OR6N1: variants seen among roughly 807,000 people sequenced by gnomAD.
OR6N1 encodes the protein olfactory receptor family 6 subfamily N member 1, also known as olfactory receptor 6N1.
For synonymous variants in OR6N1, 170 were observed against 150.7 expected (o/e 1.13, Z -0.94); for missense variants, 394 against 371.7 (o/e 1.06, Z -0.49).
chr1:158,784,130 G>C, the OR6N1 span, among the ~76,000 whole-genome samples: 1 of 151,810 alleles, frequency 6.6e-6, no homozygotes, highest in East Asian at 1.9e-4. Context: ...GAAAAGGCTA[G>C]TCTGACTCCT....
chr1:158,835,042 G>T, the OR6N1 span, among the ~76,000 whole-genome samples: 2 of 152,132 alleles, frequency 1.3e-5, no homozygotes, highest in Non-Finnish European at 2.9e-5. Context: ...TTTGAAAGCA[G>T]GAAGTCTGAA....
chr1:158,779,893 C>G, the OR6N1 span, among the ~76,000 whole-genome samples: 1 of 152,272 alleles, frequency 6.6e-6, no homozygotes, highest in Middle Eastern at 3.4e-3. Flanking sequence ...ACAAGTCTGT[C>G]TTCCCCAAAA....
chr1:158,780,344 A>T, the OR6N1 span, among the ~76,000 whole-genome samples: 1 of 152,194 alleles, frequency 6.6e-6, no homozygotes, highest in African/African-American at 2.4e-5. Context: ...AGCACCCTAA[A>T]GGCCTCTGGA....
At chr1:158,787,635 T>TCTCTCTCA in the OR6N1 span, among the ~76,000 whole-genome samples, 64 of 134,296 alleles carry the variant, frequency 4.8e-4, no homozygotes, top group African/African-American at 1.5e-3. Flanking sequence ...TCTCTCTCTC[T>TCTCTCTCA]CACACACACA....
chr1:158,780,701 T>A, the OR6N1 span, among the ~76,000 whole-genome samples: 1 of 152,244 alleles, frequency 6.6e-6, no homozygotes, highest in African/African-American at 2.4e-5. Context: ...ATTGCTTTCA[T>A]ACTGTTGTAA....
the OR6N1 span, among the ~76,000 whole-genome samples, chr1:158,834,660 G>T: frequency 6.6e-6 from 1 of 151,994 alleles, no homozygotes; most frequent in Non-Finnish European, 1.5e-5. Flanking sequence ...TGTTGTTGTT[G>T]CCTGTGCCAT....
At chr1:158,828,014 G>A in the OR6N1 span, among the ~76,000 whole-genome samples, 10 of 152,146 alleles carry the variant, frequency 6.6e-5, no homozygotes, top group South Asian at 4.1e-4. Context: ...TTTAAAAACC[G>A]TCAGATCTTG....
chr1:158,785,978 C>A, the OR6N1 span, among the ~76,000 whole-genome samples: 3 of 152,016 alleles, frequency 2.0e-5, no homozygotes, highest in Admixed American at 2.0e-4. Flanking sequence ...CCCCCAAAAG[C>A]AAATGCAACA....
At chr1:158,799,321 A>G in the OR6N1 span, among the ~76,000 whole-genome samples, 9 of 152,330 alleles carry the variant, frequency 5.9e-5, no homozygotes, top group East Asian at 1.7e-3. Context: ...AAACATAGAC[A>G]AAAAATACCT....
chr1:158,817,803 G>C, the OR6N1 span, among the ~76,000 whole-genome samples: 1 of 152,196 alleles, frequency 6.6e-6, no homozygotes, highest in Admixed American at 6.5e-5. Flanking sequence ...AGAAGCAAAG[G>C]CTGGATAATG....
At chr1:158,787,297 C>A in the OR6N1 span, among the ~76,000 whole-genome samples, 3 of 152,030 alleles carry the variant, frequency 2.0e-5, no homozygotes, top group African/African-American at 7.2e-5. Flanking sequence ...CATCATGCAT[C>A]CTATACAGCC....
the OR6N1 span, among the ~76,000 whole-genome samples, chr1:158,833,533 A>G: frequency 6.6e-6 from 1 of 152,162 alleles, no homozygotes; most frequent in Non-Finnish European, 1.5e-5. Context: ...TTCTTTCCCC[A>G]TAAATTTAAA....
the OR6N1 span, among the ~76,000 whole-genome samples, chr1:158,781,969 G>A: frequency 6.6e-6 from 1 of 152,170 alleles, no homozygotes; most frequent in East Asian, 1.9e-4. Context: ...TCACACAAGT[G>A]CTCTACAAAA....
chr1:158,829,363 A>G, the OR6N1 span, among the ~76,000 whole-genome samples: 7 of 152,124 alleles, frequency 4.6e-5, no homozygotes, highest in African/African-American at 1.7e-4. Context: ...TCCTGCTTAG[A>G]AATTTCTTCC....
intron 1 of OR6N1, among the ~76,000 whole-genome samples, chr1:158,770,872 A>G (rs2859971): frequency 0.27 from 40,652 of 152,060 alleles, 5,713 homozygotes; most frequent in East Asian, 0.36. Flanking sequence ...AGTTCTCTCC[A>G]TTTTTGAAAT....
At chr1:158,787,668 CACAT>C in the OR6N1 span, among the ~76,000 whole-genome samples, 3 of 150,814 alleles carry the variant, frequency 2.0e-5, no homozygotes, top group African/African-American at 2.5e-5. Flanking sequence ...CACACACACA[CACAT>C]ACACAAATAC....
upstream of OR6N1, chr1:158,776,681 G>A (rs1657601290): frequency 1.9e-6 from 3 of 1,572,544 alleles, no homozygotes; most frequent in African/African-American, 1.4e-5. Context: ...TGGGAAGAAA[G>A]TCAAAGATGA....
chr1:158,811,066 G>A, the OR6N1 span, among the ~76,000 whole-genome samples: 1 of 152,270 alleles, frequency 6.6e-6, no homozygotes, highest in East Asian at 1.9e-4. Flanking sequence ...CCCAGTGAGT[G>A]TTGTTCTCCT....
At chr1:158,836,229 A>G in the OR6N1 span, among the ~76,000 whole-genome samples, 2 of 152,122 alleles carry the variant, frequency 1.3e-5, no homozygotes, top group East Asian at 3.9e-4. Flanking sequence ...CATTGGAGTA[A>G]TGCTGAGTCA....
Sources: gnomAD v4.1 joint callset for allele counts (sites outside exome capture counted in the v4.1 genomes callset) on GRCh38, gnomAD v4.1.1 for gene constraint, MANE v1.5 for transcripts, NCBI Gene and HGNC (gene_info 2026-07-23, HGNC 2026-07-21) for gene names.